DGKH: variants seen among roughly 807,000 people sequenced by gnomAD.
The protein encoded by DGKH is DAG kinase eta.
DGKH carries 90 observed loss-of-function variants against 159.3 expected under a neutral mutation model. That is an observed-to-expected ratio of 0.57 (90% confidence interval 0.48 to 0.67). The LOEUF (loss-of-function observed/expected upper bound fraction) is 0.67, where lower values mean the gene tolerates loss of function less well. Ranked by LOEUF, DGKH falls within the 30% of genes least tolerant of loss-of-function variation. The pLI, the probability that DGKH is intolerant of heterozygous loss-of-function variation, is 0.00. For synonymous variants in DGKH, 536 were observed against 553.8 expected, an observed-to-expected ratio of 0.97 and a Z score of 0.45; for missense variants, 1,181 against 1,506.1, an observed-to-expected ratio of 0.78 and a Z score of 3.57.
At chr13:42,061,845 G>T (rs1320367609) in intron 1 of DGKH, among the ~76,000 whole-genome samples, 2 of 152,160 alleles carry the variant, frequency 1.3e-5, no homozygotes, top group Non-Finnish European at 2.9e-5. Flanking sequence ...TAAAAGCCCT[G>T]CTGTTATAGA....
At chr13:42,143,807 T>A (rs1214946963) in intron 3 of DGKH, among the ~76,000 whole-genome samples, 2 of 152,164 alleles carry the variant, frequency 1.3e-5, no homozygotes, top group East Asian at 3.9e-4. Context: ...TTTATTAGTC[T>A]TGCTAGTGGT....
downstream of DGKH, among the ~76,000 whole-genome samples, chr13:42,245,620 C>T (rs936687163): frequency 6.6e-6 from 1 of 152,060 alleles, no homozygotes; most frequent in African/African-American, 2.4e-5. Flanking sequence ...GAGTCTCACT[C>T]TGTTTCCCAG....
intron 17 of DGKH, among the ~76,000 whole-genome samples, chr13:42,197,744 T>C (rs1179626069): frequency 6.6e-6 from 1 of 152,096 alleles, no homozygotes; most frequent in Non-Finnish European, 1.5e-5. Context: ...AGAACTTGTT[T>C]TTCTAATTTC....
chr13:42,069,271 T>C, intron 1 of DGKH: 1 of 1,090,618 alleles, frequency 9.2e-7, no homozygotes, highest in South Asian at 1.5e-5. Flanking sequence ...CAAAACTGAT[T>C]TATGAGAAAA....
intron 3 of DGKH, among the ~76,000 whole-genome samples, chr13:42,142,727 G>GATTTT (rs2137894166): frequency 6.6e-6 from 1 of 152,234 alleles, no homozygotes; most frequent in African/African-American, 2.4e-5. Flanking sequence ...GAATGCTTGT[G>GATTTT]ATTTTTGCAC....
chr13:42,097,079 G>A (rs183452429), intron 1 of DGKH, among the ~76,000 whole-genome samples: 56 of 152,214 alleles, frequency 3.7e-4, no homozygotes, highest in Admixed American at 3.1e-3. Context: ...CTTTCCCTCC[G>A]GGGCTTTCAG....
At position 42,230,305 on chromosome 13, in the gene DGKH, A is replaced by G. The variant is rs193175811; in HGVS notation, c.*1117A>G. ...AGTGACTTCTGACACGATCTTCCAAACAGAAGGGATTTAAATTTTTTCTTA... is the reference window on the plus strand; with the variant it reads ...AGTGACTTCTGACACGATCTTCCAAGCAGAAGGGATTTAAATTTTTTCTTA... On this transcript the variant is annotated 3_prime_UTR_variant, in exon 30 of 30. Coordinates refer to ENST00000337343, the MANE Select transcript of DGKH (RefSeq NM_178009.5). 9.9e-5 allele frequency: 15 copies of G among 152,230 alleles called. No individual in the cohort carries two copies. The highest frequency in any genetic ancestry group is 3.6e-4 in the African/African-American group (15 of 41,562). 9.4% of individuals were successfully genotyped at this position (152,230 alleles called of 1,614,324 possible). A position where few individuals can be genotyped will look rare whatever the true frequency, so the allele number is the denominator to read the frequency against.
intron 11 of DGKH, among the ~76,000 whole-genome samples, chr13:42,170,926 G>T (rs1397681489): frequency 7.4e-6 from 1 of 135,478 alleles, no homozygotes; most frequent in African/African-American, 2.7e-5. Context: ...CTGGCCAACA[G>T]AGCGAGACTC....
chr13:42,219,138 G>A (rs1957895348), intron 26 of DGKH, 92 bp from the exon 27 acceptor site: 2 of 1,503,738 alleles, frequency 1.3e-6, no homozygotes, highest in South Asian at 2.6e-5. Flanking sequence ...TAAGGAGTGA[G>A]GCTGTTCACT....
chr13:42,111,487 C>G (rs372432950), intron 1 of DGKH, among the ~76,000 whole-genome samples: 1 of 151,892 alleles, frequency 6.6e-6, no homozygotes, highest in East Asian at 1.9e-4. Context: ...GGTTGAGGTG[C>G]GAGAATCGCT....
chr13:42,226,169 A>G (rs973396127), intron 29 of DGKH, among the ~76,000 whole-genome samples: 5 of 152,238 alleles, frequency 3.3e-5, no homozygotes, highest in Non-Finnish European at 7.3e-5. Context: ...AAAAGAAGAC[A>G]TGTGGCCAAC....
intron 1 of DGKH, among the ~76,000 whole-genome samples, chr13:42,117,960 G>C (rs1450962968): frequency 6.6e-6 from 1 of 152,156 alleles, no homozygotes; most frequent in Non-Finnish European, 1.5e-5. Context: ...GCTCACACCT[G>C]TAATCCCAGC....
In DGKH at chr13:42,153,306, A is replaced by T. The variant is rs534191531; in HGVS notation, c.385-1985A>T. ...TCCCCTTTTTCTTGAATTCACAATG[A>T]CTTTACAAGACATTTAATGTAAAGG... On this transcript the variant is annotated intron_variant, in intron 3 of 29. Transcript: ENST00000337343. 3.7e-4 allele frequency among the ~76,000 whole-genome samples: 56 copies of T among 152,340 alleles called. No individual in the cohort carries two copies. The South Asian group carries it at 9.9e-3, about 27-fold the overall frequency.
At chr13:42,168,419 T>G in intron 9 of DGKH, 21 bp from the exon 10 acceptor site, 1 of 1,597,026 alleles carries the variant, frequency 6.3e-7, no homozygotes, top group Non-Finnish European at 8.6e-7. Flanking sequence ...TATACTAAAA[T>G]AAAATCCTTT....
At chr13:42,185,988 G>T (rs1302696095) in intron 13 of DGKH, among the ~76,000 whole-genome samples, 2 of 130,874 alleles carry the variant, frequency 1.5e-5, no homozygotes, top group African/African-American at 5.2e-5. Context: ...GTGTCTGTTG[G>T]GGGAGGAGTG....
chr13:42,152,221 A>G (rs1206143153), intron 3 of DGKH, among the ~76,000 whole-genome samples: 1 of 152,154 alleles, frequency 6.6e-6, no homozygotes, highest in Non-Finnish European at 1.5e-5. Flanking sequence ...AGCCACTAAA[A>G]TTGTGATAAT....
At chr13:42,212,055 A>G (rs1445639697) in intron 24 of DGKH, among the ~76,000 whole-genome samples, 1 of 152,196 alleles carries the variant, frequency 6.6e-6, no homozygotes, top group African/African-American at 2.4e-5. Context: ...GTGTATAGTA[A>G]CTTAAGATTC....
chr13:42,178,403 T>C (rs1361918190), intron 13 of DGKH, among the ~76,000 whole-genome samples, 183 bp downstream of exon 13: 1 of 152,218 alleles, frequency 6.6e-6, no homozygotes, highest in African/African-American at 2.4e-5. Flanking sequence ...TTTGCAGTGG[T>C]GTATACTTAG....
At chr13:42,130,108 T>A (rs963727275) in intron 3 of DGKH, among the ~76,000 whole-genome samples, 2 of 152,230 alleles carry the variant, frequency 1.3e-5, no homozygotes, top group Non-Finnish European at 2.9e-5. Flanking sequence ...TGATCACAGA[T>A]CACATTGCTT....
Sources: allele counts gnomAD v4.1 joint callset (sites outside exome capture counted in the v4.1 genomes callset), GRCh38; gene constraint gnomAD v4.1.1; transcripts MANE v1.5; gene names NCBI Gene and HGNC (gene_info 2026-07-23, HGNC 2026-07-21).